The following OR51B5 variants were observed in gnomAD, a reference collection of about 807,000 sequenced individuals.
OR51B5 encodes the protein olfactory receptor family 51 subfamily B member 5.
For synonymous variants in OR51B5, 186 were observed against 144.8 expected (o/e 1.28, Z -2.04); for missense variants, 456 against 374.6 (o/e 1.22, Z -1.79).
chr11:5,372,167 T>C (rs747872912), intron 1 of OR51B5, among the ~76,000 whole-genome samples: 2 of 152,190 alleles, frequency 1.3e-5, no homozygotes, highest in Admixed American at 6.5e-5. Context: ...TGTTCATCTA[T>C]ATATAGATAC....
At chr11:5,485,194 A>G (rs997820784) in intron 1 of OR51B5, among the ~76,000 whole-genome samples, 5 of 152,226 alleles carry the variant, frequency 3.3e-5, no homozygotes, top group Non-Finnish European at 5.9e-5. Flanking sequence ...GAAAAAGGAT[A>G]AAAGAATACA....
intron 1 of OR51B5, chr11:5,454,485 C>T (rs536403510): frequency 1.1e-5 from 14 of 1,308,522 alleles, no homozygotes; most frequent in Admixed American, 9.5e-5. Flanking sequence ...TCAGTAGCAT[C>T]GTCATCATCA....
chr11:5,401,097 T>G (rs1849961274), intron 1 of OR51B5, among the ~76,000 whole-genome samples: 2 of 152,188 alleles, frequency 1.3e-5, no homozygotes, highest in African/African-American at 4.8e-5. Flanking sequence ...TAGACAATGC[T>G]TATCTCAAAA....
At chr11:5,462,268 C>T (rs1049141482) in intron 1 of OR51B5, among the ~76,000 whole-genome samples, 1 of 152,002 alleles carries the variant, frequency 6.6e-6, no homozygotes, top group Admixed American at 6.6e-5. Context: ...ATGGGCAAGA[C>T]CAACAGAAGG....
At chr11:5,378,753 C>T (rs10837945) in intron 1 of OR51B5, among the ~76,000 whole-genome samples, 30,609 of 151,820 alleles carry the variant, frequency 0.2, 3,332 homozygotes, top group East Asian at 0.37. Context: ...AAATCAAAAC[C>T]ACAATGAGAT....
chr11:5,381,048 A>G (rs563655200), intron 1 of OR51B5, among the ~76,000 whole-genome samples: 33 of 152,162 alleles, frequency 2.2e-4, no homozygotes, highest in African/African-American at 7.9e-4. Context: ...CTAGGTATCA[A>G]TTCTGGATAG....
At chr11:5,422,593 C>T (rs558657784) in intron 1 of OR51B5, 2 of 1,614,024 alleles carry the variant, frequency 1.2e-6, no homozygotes, top group Admixed American at 1.7e-5. Context: ...TCTGCTGTCC[C>T]CTCCATTATG....
At chr11:5,414,708 C>T (rs1850209936) in intron 1 of OR51B5, among the ~76,000 whole-genome samples, 1 of 152,154 alleles carries the variant, frequency 6.6e-6, no homozygotes. Flanking sequence ...GTAAAGGGAT[C>T]AATTCAACAA....
intron 1 of OR51B5, among the ~76,000 whole-genome samples, chr11:5,369,262 T>C (rs17271573): frequency 0.11 from 16,865 of 152,226 alleles, 1,059 homozygotes; most frequent in South Asian, 0.15. Context: ...GAAGAAGATA[T>C]GTATGCCCAT....
chr11:5,475,564 G>A (rs181459525), intron 1 of OR51B5, among the ~76,000 whole-genome samples: 1 of 152,002 alleles, frequency 6.6e-6, no homozygotes, highest in African/African-American at 2.4e-5. Flanking sequence ...CCTGAATGAG[G>A]ATCTACTAAT....
At chr11:5,409,620 A>C (rs1422141666) in intron 1 of OR51B5, among the ~76,000 whole-genome samples, 1 of 152,040 alleles carries the variant, frequency 6.6e-6, no homozygotes, top group South Asian at 2.1e-4. Context: ...AAGCACAAAA[A>C]TTGAAAATAT....
intron 1 of OR51B5, chr11:5,430,688 G>A (rs883689): frequency 0.019 from 8,693 of 455,806 alleles, 620 homozygotes; most frequent in African/African-American, 0.15. Flanking sequence ...AACAAGGTGA[G>A]AATTCCCTGT....
At chr11:5,452,196 A>C (rs945944903) in intron 1 of OR51B5, among the ~76,000 whole-genome samples, 1 of 152,116 alleles carries the variant, frequency 6.6e-6, no homozygotes, top group Non-Finnish European at 1.5e-5. Flanking sequence ...CAAGATCTAC[A>C]TGTTAAATGG....
intron 1 of OR51B5, among the ~76,000 whole-genome samples, chr11:5,451,771 G>A (rs766140162): frequency 3.3e-5 from 5 of 152,136 alleles, no homozygotes; most frequent in Admixed American, 1.3e-4. Context: ...GGTTGGAGAG[G>A]AAAGAGAAAG....
chr11:5,497,327 G>A (rs772964538), intron 1 of OR51B5, among the ~76,000 whole-genome samples: 14 of 152,146 alleles, frequency 9.2e-5, no homozygotes, highest in Non-Finnish European at 1.5e-4. Context: ...CAGGAGAATC[G>A]CTTGCACCTG....
chr11:5,486,550 T>C (rs1177675316), intron 1 of OR51B5, among the ~76,000 whole-genome samples: 1 of 152,166 alleles, frequency 6.6e-6, no homozygotes, highest in Non-Finnish European at 1.5e-5. Flanking sequence ...ACTTCTGAGA[T>C]TGAGCAGCCA....
intron 1 of OR51B5, among the ~76,000 whole-genome samples, chr11:5,444,620 A>G (rs1206122970): frequency 6.6e-6 from 1 of 152,136 alleles, no homozygotes; most frequent in Non-Finnish European, 1.5e-5. Context: ...TGGATGGAAG[A>G]TGCTTTCCTT....
At chr11:5,387,577 C>T (rs912449513) in intron 1 of OR51B5, among the ~76,000 whole-genome samples, 2 of 152,178 alleles carry the variant, frequency 1.3e-5, no homozygotes, top group Non-Finnish European at 2.9e-5. Context: ...CAAGATCATA[C>T]ATGACGTAGC....
intron 1 of OR51B5, among the ~76,000 whole-genome samples, chr11:5,372,147 T>G (rs1184167951): frequency 2.6e-5 from 4 of 152,198 alleles, no homozygotes; most frequent in African/African-American, 9.7e-5. Context: ...CCTGTCACAA[T>G]GTCTTTATCT....
Sources: allele counts gnomAD v4.1 joint callset (sites outside exome capture counted in the v4.1 genomes callset), GRCh38; gene constraint gnomAD v4.1.1; transcripts MANE v1.5; gene names NCBI Gene and HGNC (gene_info 2026-07-23, HGNC 2026-07-21).